The following MYO3B variants were observed in gnomAD, a reference collection of about 807,000 sequenced individuals.
The protein encoded by MYO3B is myosin-IIIb.
Under a neutral mutation model 174.6 loss-of-function variants are expected in MYO3B, and 156 were observed. The observed-to-expected ratio is 0.89, with a 90% CI of 0.78 to 1.02. The LOEUF is 1.02. Ranked by LOEUF, MYO3B falls within the 50% of genes least tolerant of loss-of-function variation. The pLI is 0.00. For synonymous variants in MYO3B, 563 were observed against 569.1 expected, an observed-to-expected ratio of 0.99 and a Z score of 0.15; for missense variants, 1,632 against 1,639.4, an observed-to-expected ratio of 1.00 and a Z score of 0.08.
At chr2:170,486,850 A>C (rs7583952) in intron 25 of MYO3B, among the ~76,000 whole-genome samples, 18,882 of 152,170 alleles carry the variant, frequency 0.12, 1,249 homozygotes, top group Middle Eastern at 0.15. Flanking sequence ...ATAGGAAACC[A>C]TCCTTCAGAA....
chr2:170,458,771 G>T (rs1470457792), intron 23 of MYO3B, among the ~76,000 whole-genome samples: 1 of 152,190 alleles, frequency 6.6e-6, no homozygotes, highest in African/African-American at 2.4e-5. Context: ...TTTGTTCCTT[G>T]TCGGAAATTC....
At chr2:170,442,897 T>A (rs1325873995) in intron 22 of MYO3B, among the ~76,000 whole-genome samples, 1 of 152,198 alleles carries the variant, frequency 6.6e-6, no homozygotes, top group Non-Finnish European at 1.5e-5. Context: ...TAATCCAGTC[T>A]TTCATTGATG....
rs528145108 is a variant in MYO3B at position 170,387,374 on chromosome 2, T to C, written c.1577+66T>C. 1.5e-3 allele frequency: 2,208 copies of C among 1,442,790 alleles called. 3 individuals are homozygous for C. The highest frequency in any genetic ancestry group is 2.0e-3 in the Non-Finnish European group (2,028 of 1,033,648). 89.4% of individuals were successfully genotyped at this position (1,442,790 alleles called of 1,614,324 possible). ...AAAAACTGGGAGACTTTGGAAATTT[T>C]AATGGTTCAGTTTTCATTCTTGTTC... On this transcript the variant is annotated intron_variant, in intron 14 of 34. Transcript: ENST00000408978.
At chr2:170,404,198 C>A (rs10930425) in intron 19 of MYO3B, 49 bp from the exon 20 acceptor site, 1,352,279 of 1,543,060 alleles carry the variant, frequency 0.88, 595,506 homozygotes, top group Middle Eastern at 0.91. Flanking sequence ...TCCTGGTGGT[C>A]CCAAGGCTAG....
intron 8 of MYO3B, chr2:170,341,381 T>C (rs1016143006): frequency 6.6e-6 from 1 of 152,234 alleles, no homozygotes; most frequent in African/African-American, 2.4e-5. Context: ...TTCTTGGCTA[T>C]TTACGTCTTG....
chr2:170,372,531 C>A (rs539227210), intron 9 of MYO3B, among the ~76,000 whole-genome samples: 1 of 152,124 alleles, frequency 6.6e-6, no homozygotes, highest in African/African-American at 2.4e-5. Context: ...ATTCAAGAGG[C>A]ATTTATACAT....
chr2:170,330,236 G>A (rs2093902276), intron 7 of MYO3B, among the ~76,000 whole-genome samples: 1 of 152,094 alleles, frequency 6.6e-6, no homozygotes, highest in South Asian at 2.1e-4. Flanking sequence ...TGGTGAGTGT[G>A]CTTTAATGTT....
chr2:170,576,188 T>C (rs1692771423), intron 32 of MYO3B, among the ~76,000 whole-genome samples: 1 of 152,218 alleles, frequency 6.6e-6, no homozygotes. Flanking sequence ...AGGAAGCAGC[T>C]ACCACTCCTA....
intron 7 of MYO3B, among the ~76,000 whole-genome samples, chr2:170,328,202 C>T (rs1022674143): frequency 6.6e-6 from 1 of 152,016 alleles, no homozygotes; most frequent in African/African-American, 2.4e-5. Flanking sequence ...ACACTGGCCA[C>T]ATATGCATAT....
intron 22 of MYO3B, among the ~76,000 whole-genome samples, chr2:170,408,213 T>A (rs1444575101): frequency 6.6e-6 from 1 of 152,244 alleles, no homozygotes; most frequent in Non-Finnish European, 1.5e-5. Flanking sequence ...GAAGATTATT[T>A]CTACTTGTGT....
At chr2:170,393,801 A>G (rs2094428944) in intron 16 of MYO3B, among the ~76,000 whole-genome samples, 1 of 152,154 alleles carries the variant, frequency 6.6e-6, no homozygotes, top group Non-Finnish European at 1.5e-5. Context: ...CAGACTTTAA[A>G]CTGACAGACA....
At chr2:170,440,959 G>A (rs1039421912) in intron 22 of MYO3B, among the ~76,000 whole-genome samples, 11 of 151,488 alleles carry the variant, frequency 7.3e-5, no homozygotes, top group East Asian at 3.9e-4. Flanking sequence ...GTGCCACCAC[G>A]CCCGGCTAAT....
chr2:170,558,209 G>T (rs926730376), intron 32 of MYO3B, among the ~76,000 whole-genome samples: 1 of 151,924 alleles, frequency 6.6e-6, no homozygotes, highest in Admixed American at 6.5e-5. Context: ...GCTGAGGCAG[G>T]AGAATGGTGT....
At chr2:170,341,109 A>G (rs182864849) in intron 8 of MYO3B, 1 of 152,340 alleles carries the variant, frequency 6.6e-6, no homozygotes, top group East Asian at 1.9e-4. Context: ...GGTCATTTGC[A>G]TATGTTTATT....
chr2:170,346,610 TA>T (rs2094018157), intron 8 of MYO3B, among the ~76,000 whole-genome samples: 1 of 152,218 alleles, frequency 6.6e-6, no homozygotes, highest in Non-Finnish European at 1.5e-5. Context: ...ATATGTGTCA[TA>T]AGGGTTTATG....
At chr2:170,554,592 A>G (rs1559110947) in intron 32 of MYO3B, among the ~76,000 whole-genome samples, 1 of 152,232 alleles carries the variant, frequency 6.6e-6, no homozygotes, top group Non-Finnish European at 1.5e-5. Context: ...CCTGCGACTC[A>G]TTAAAGCACA....
At position 170,349,199 on chromosome 2, in the gene MYO3B, G is replaced by A. The variant is rs111788356; in HGVS notation, c.815+13749G>A. 5.2e-3 allele frequency among the ~76,000 whole-genome samples: 788 copies of A among 152,242 alleles called. 9 individuals are homozygous for A. Among genetic ancestry groups the A allele is most frequent in the African/African-American group, 0.018 (754 of 41,552 alleles). On this transcript the variant is annotated intron_variant, in intron 8 of 34. Transcript: ENST00000408978. ...ATTCTAGAAAAATTGAACAAGTGAT[G>A]CTTCCCCTGACTTCCCCAGGAGGAC...
At chr2:170,363,357 T>C (rs1225141166) in intron 8 of MYO3B, among the ~76,000 whole-genome samples, 1 of 152,194 alleles carries the variant, frequency 6.6e-6, no homozygotes, top group Non-Finnish European at 1.5e-5. Flanking sequence ...TCAAGTGTTT[T>C]ATTCATTGGT....
chr2:170,381,993 A>C, intron 9 of MYO3B, 23 bp from the exon 10 acceptor site: 1 of 1,598,774 alleles, frequency 6.3e-7, no homozygotes, highest in Non-Finnish European at 8.6e-7. Flanking sequence ...CTTAATGCTT[A>C]AACTCTCTTG....
Sources: allele counts gnomAD v4.1 joint callset (sites outside exome capture counted in the v4.1 genomes callset), GRCh38; gene constraint gnomAD v4.1.1; transcripts MANE v1.5; gene names NCBI Gene and HGNC (gene_info 2026-07-23, HGNC 2026-07-21).